The following RBPJ variants were observed in gnomAD, a reference collection of about 807,000 sequenced individuals.
The protein encoded by RBPJ is recombining binding protein suppressor of hairless.
RBPJ carries 9 observed loss-of-function variants against 67.8 expected under a neutral mutation model. The ratio of observed to expected loss-of-function variants is 0.13; its 90% CI spans 0.08 to 0.23. The LOEUF (loss-of-function observed/expected upper bound fraction) is 0.23. Among genes scored for constraint, RBPJ ranks in the 10% least tolerant of loss-of-function variants. The pLI, the probability that RBPJ is intolerant of heterozygous loss-of-function variation, is 1.00. For missense variants in RBPJ, 305 were observed against 595.6 expected, an observed-to-expected ratio of 0.51 and a Z score of 5.08; for synonymous variants, 198 against 203.3, an observed-to-expected ratio of 0.97 and a Z score of 0.22.
chr4:26,424,312 A>G lies in RBPJ; in HGVS notation c.497-30A>G, dbSNP rs1349602050. 6.2e-7 allele frequency: 1 copy of G among 1,608,112 alleles called. No individual in the cohort carries two copies. The highest frequency in any genetic ancestry group is 1.7e-5 in the Admixed American group (1 of 59,818). ...TCCCTCCCCACCTTCTGCTCCAATC[A>G]CATAAATAAGAGCTGTTTTTTCTTT... On this transcript the variant is annotated intron_variant, in intron 5 of 10. Transcript: ENST00000355476. The surrounding 1 kb of genome is among the most constrained non-coding windows in gnomAD (Gnocchi z 5.3).
chr4:26,319,072 G>A (rs1490764315), upstream of RBPJ, among the ~76,000 whole-genome samples: 5 of 149,330 alleles, frequency 3.3e-5, no homozygotes, highest in South Asian at 6.6e-4. Context: ...TTGTTTCAAA[G>A]TAAGCGAAGT....
chr4:26,382,137 G>C (rs1052357992), intron 1 of RBPJ, among the ~76,000 whole-genome samples: 1 of 152,022 alleles, frequency 6.6e-6, no homozygotes, highest in African/African-American at 2.4e-5. Flanking sequence ...TTTCTGGTTT[G>C]ATTCTCAACA....
At chr4:26,147,376 G>A in the RBPJ span, among the ~76,000 whole-genome samples, 8 of 152,160 alleles carry the variant, frequency 5.3e-5, no homozygotes, top group African/African-American at 1.7e-4. Context: ...ACTCTACTTC[G>A]GTCACTTTCA....
intron 1 of RBPJ, among the ~76,000 whole-genome samples, chr4:26,214,709 G>GAAGA: frequency 1.6e-5 from 1 of 62,892 alleles, no homozygotes; most frequent in African/African-American, 9.9e-5. Context: ...TGGAAGGAAG[G>GAAGA]AAGGAGAGAG....
At chr4:26,312,123 T>A (rs1274998130) in intron 1 of RBPJ, among the ~76,000 whole-genome samples, 1 of 151,786 alleles carries the variant, frequency 6.6e-6, no homozygotes, top group Non-Finnish European at 1.5e-5. Flanking sequence ...CAGGGCCTTC[T>A]TATTTTATTT....
chr4:26,234,486 T>A (rs1360004457), intron 1 of RBPJ, among the ~76,000 whole-genome samples: 1 of 152,152 alleles, frequency 6.6e-6, no homozygotes, highest in East Asian at 1.9e-4. Flanking sequence ...TTCCCCCAGA[T>A]AACCACAGGC....
chr4:26,369,383 T>G (rs573320935), intron 1 of RBPJ, among the ~76,000 whole-genome samples: 1 of 152,230 alleles, frequency 6.6e-6, no homozygotes, highest in African/African-American at 2.4e-5. Context: ...ACCAAATGAT[T>G]TACCCAGTCT....
At chr4:26,253,307 C>CTTTTTTTTTTTTT (rs1182769419) in intron 1 of RBPJ, among the ~76,000 whole-genome samples, 11 of 114,400 alleles carry the variant, frequency 9.6e-5, no homozygotes, top group African/African-American at 3.6e-4. Flanking sequence ...TCTGCTATTT[C>CTTTTTTTTTTTTT]TTTTTTTTTT....
chr4:26,165,987 G>A (rs1327998903), intron 1 of RBPJ, among the ~76,000 whole-genome samples: 4 of 151,118 alleles, frequency 2.6e-5, no homozygotes, highest in East Asian at 1.9e-4. Flanking sequence ...TTGTCCTTGC[G>A]ATAGTATACT....
At chr4:26,109,194 A>G in the RBPJ span, among the ~76,000 whole-genome samples, 1 of 142,476 alleles carries the variant, frequency 7.0e-6, no homozygotes, top group African/African-American at 2.6e-5. Flanking sequence ...TGCAACCTCC[A>G]CTTTCCAGGT....
chr4:26,358,476 T>C (rs1343474281), intron 1 of RBPJ, among the ~76,000 whole-genome samples: 1 of 151,954 alleles, frequency 6.6e-6, no homozygotes, highest in Non-Finnish European at 1.5e-5. Flanking sequence ...TTTTGTATTT[T>C]AAAAATAGTC....
rs531521702 is a variant in RBPJ, at chr4:26,167,219, G to C, written c.-167+3605G>C. On this transcript the variant is annotated intron_variant, in intron 1 of 4. Coordinates refer to the RBPJ transcript ENST00000512351. ...TGCAGGCTCTTTTTTGGTTCCATATGAACTTTAAAGTAGTTTTTTCCAATT... is the reference window on the plus strand; with the variant it reads ...TGCAGGCTCTTTTTTGGTTCCATATCAACTTTAAAGTAGTTTTTTCCAATT... 8.5e-4 allele frequency among the ~76,000 whole-genome samples: 129 copies of C among 152,174 alleles called. 2 individuals are homozygous for C. The South Asian group carries it at 0.026, about 31-fold the overall frequency.
At chr4:26,409,892 T>C in intron 3 of RBPJ, 2 of 332,106 alleles carry the variant, frequency 6.0e-6, no homozygotes, top group South Asian at 4.8e-5. Context: ...TGAAGTCCTC[T>C]AAAAAATGAA....
At chr4:26,380,158 T>C (rs1047045143) in intron 1 of RBPJ, among the ~76,000 whole-genome samples, 2 of 152,234 alleles carry the variant, frequency 1.3e-5, no homozygotes, top group Non-Finnish European at 2.9e-5. Flanking sequence ...CTTTTAAAAG[T>C]AAAATTACAT....
chr4:26,236,288 T>C (rs1719448325), intron 1 of RBPJ, among the ~76,000 whole-genome samples: 1 of 152,074 alleles, frequency 6.6e-6, no homozygotes, highest in South Asian at 2.1e-4. Context: ...ATCTGAAAAA[T>C]GGGGAATACT....
chr4:26,288,508 G>A (rs1210269345), intron 1 of RBPJ, among the ~76,000 whole-genome samples: 5 of 152,202 alleles, frequency 3.3e-5, no homozygotes, highest in Admixed American at 3.3e-4. Flanking sequence ...CTCACGGGTT[G>A]CACATTGTCA....
intron 1 of RBPJ, among the ~76,000 whole-genome samples, chr4:26,281,142 T>G (rs1577384995): frequency 6.6e-6 from 1 of 152,338 alleles, no homozygotes; most frequent in East Asian, 1.9e-4. Context: ...TTTACTCATT[T>G]TTTATTTATT....
Position 26,264,256 on chromosome 4 carries a change from A to T in RBPJ, c.-166-98190A>T, listed in dbSNP as rs1405545131. ...TTATGTGTTGAATTAATCAATGAATACTTATTAATTCAAATCAATGAATAC... is the reference window on the plus strand; with the variant it reads ...TTATGTGTTGAATTAATCAATGAATTCTTATTAATTCAAATCAATGAATAC... On this transcript the variant is annotated intron_variant, in intron 1 of 4. Transcript: ENST00000512351. The surrounding 1 kb of genome is among the most constrained non-coding windows in gnomAD (Gnocchi z 4.1). Among the ~76,000 whole-genome samples the T allele has an allele frequency of 6.6e-6, 1 of 152,216 alleles. No homozygotes were observed. The highest frequency in any genetic ancestry group is 1.5e-5 in the Non-Finnish European group (1 of 68,034).
At chr4:26,383,236 A>G (rs1730501013) in intron 1 of RBPJ, among the ~76,000 whole-genome samples, 1 of 152,214 alleles carries the variant, frequency 6.6e-6, no homozygotes, top group African/African-American at 2.4e-5. Context: ...ATTTCCAAAA[A>G]AGGACTTAGA....
Sources: gnomAD v4.1 joint callset for allele counts (sites outside exome capture counted in the v4.1 genomes callset) on GRCh38, gnomAD v4.1.1 for gene constraint, Gnocchi (gnomAD v3.1) non-coding constraint, MANE v1.5 for transcripts, NCBI Gene and HGNC (gene_info 2026-07-23, HGNC 2026-07-21) for gene names.